The following ZMIZ1 variants were observed in gnomAD, a reference collection of about 807,000 sequenced individuals.
The protein encoded by ZMIZ1 is zinc finger MIZ-type containing 1, also known as zinc finger MIZ domain-containing protein 1.
A neutral mutation model predicts 113.9 loss-of-function variants in ZMIZ1; 17 were observed. That is an observed-to-expected ratio of 0.15 (90% CI 0.10 to 0.22). ZMIZ1 has a LOEUF of 0.22. ZMIZ1 is among the 10% of genes least tolerant of loss of function. The pLI is 1.00. For synonymous variants in ZMIZ1, 607 were observed against 603.1 expected, an observed-to-expected ratio of 1.01 and a Z score of -0.09; for missense variants, 1,059 against 1,477.8, an observed-to-expected ratio of 0.72 and a Z score of 4.65.
intron 7 of ZMIZ1, among the ~76,000 whole-genome samples, chr10:79,233,926 C>A (rs1326540970): frequency 6.6e-6 from 1 of 152,134 alleles, no homozygotes; most frequent in African/African-American, 2.4e-5. Context: ...TGAAGTTGGG[C>A]AAACCAGAGT....
chr10:79,165,368 C>T (rs935346255), intron 4 of ZMIZ1, among the ~76,000 whole-genome samples: 2 of 152,138 alleles, frequency 1.3e-5, no homozygotes, highest in African/African-American at 4.8e-5. Flanking sequence ...CCCAGAGACC[C>T]AGGATGACAG....
At chr10:79,110,339 G>A (rs988280917) in intron 1 of ZMIZ1, among the ~76,000 whole-genome samples, 2 of 152,156 alleles carry the variant, frequency 1.3e-5, no homozygotes, top group Non-Finnish European at 1.5e-5. Context: ...TTGCGATACC[G>A]GTGGCCACTC....
chr10:79,075,228 G>A (rs1018547609), intron 1 of ZMIZ1, among the ~76,000 whole-genome samples: 5 of 152,306 alleles, frequency 3.3e-5, no homozygotes, highest in Admixed American at 3.3e-4. Context: ...CAGACTGTCA[G>A]AGTGGACATA....
At chr10:79,197,677 G>A (rs1288521429) in intron 4 of ZMIZ1, among the ~76,000 whole-genome samples, 2 of 151,118 alleles carry the variant, frequency 1.3e-5, no homozygotes, top group African/African-American at 4.9e-5. Context: ...ACCTGTTCAA[G>A]AGTAAAAACT....
At chr10:79,221,419 C>T (rs537481214) in intron 7 of ZMIZ1, among the ~76,000 whole-genome samples, 11 of 152,326 alleles carry the variant, frequency 7.2e-5, no homozygotes, top group Admixed American at 2.6e-4. Flanking sequence ...AGCCTCAGAG[C>T]GCACGTGCGC....
At chr10:79,175,588 G>A (rs1846802865) in intron 4 of ZMIZ1, among the ~76,000 whole-genome samples, 1 of 50,890 alleles carries the variant, frequency 2.0e-5, no homozygotes, top group African/African-American at 1.3e-4. Context: ...CTCTGCGTGT[G>A]TGTGTGTGTG....
At chr10:79,077,471 G>C (rs984182539) in intron 1 of ZMIZ1, among the ~76,000 whole-genome samples, 2 of 152,026 alleles carry the variant, frequency 1.3e-5, no homozygotes, top group Non-Finnish European at 2.9e-5. Context: ...CACTAAGAGT[G>C]GGGGGTTCTG....
intron 8 of ZMIZ1, among the ~76,000 whole-genome samples, chr10:79,288,891 C>G (rs1337871536): frequency 6.6e-6 from 1 of 152,172 alleles, no homozygotes. Context: ...GGGGAGATGT[C>G]CACAAACGTG....
rs548665839 is a variant in ZMIZ1 at position 79,209,645 on chromosome 10, A to G, written c.174+1196A>G. On this transcript the variant is annotated intron_variant, in intron 6 of 24. Coordinates refer to ENST00000334512, the MANE Select transcript of ZMIZ1 (RefSeq NM_020338.4). ...AGGCCCACATGGCCTTGGCCTGGAGAGGAAGAAATAGCGGCAACACGGCTA... is the reference window on the plus strand; with the variant it reads ...AGGCCCACATGGCCTTGGCCTGGAGGGGAAGAAATAGCGGCAACACGGCTA... 6.6e-5 allele frequency among the ~76,000 whole-genome samples: 10 copies of G among 152,344 alleles called. No homozygotes were observed. In the South Asian group the frequency reaches 2.1e-3, roughly 32 times the overall value.
At position 79,308,329 on chromosome 10, in the gene ZMIZ1, G is replaced by A. The variant is rs555662801; in HGVS notation, c.2835+758G>A. Among the ~76,000 whole-genome samples, 8 of 152,360 alleles carry A rather than the reference G, an allele frequency of 5.3e-5. No homozygotes were observed. The East Asian group carries it at 9.7e-4, about 18-fold the overall frequency. On this transcript the variant is annotated intron_variant, in intron 23 of 24. Coordinates refer to ENST00000334512, the MANE Select transcript of ZMIZ1 (RefSeq NM_020338.4). ...AATGGAGTAAAACTCCTGGCAGTGC[G>A]TGGGTGCAGGAAGAACAGTTGGAGT...
At chr10:79,174,120 A>G (rs990302854) in intron 4 of ZMIZ1, among the ~76,000 whole-genome samples, 7 of 152,158 alleles carry the variant, frequency 4.6e-5, no homozygotes, top group African/African-American at 1.7e-4. Context: ...CATTCCTCAG[A>G]TCCCACTGGG....
chr10:79,189,129 C>G (rs1847485839), intron 4 of ZMIZ1, among the ~76,000 whole-genome samples: 1 of 152,202 alleles, frequency 6.6e-6, no homozygotes, highest in Admixed American at 6.5e-5. Flanking sequence ...AGCTCCTTCC[C>G]TAATCCATCC....
At chr10:79,082,209 G>T (rs931412838) in intron 1 of ZMIZ1, among the ~76,000 whole-genome samples, 1 of 152,244 alleles carries the variant, frequency 6.6e-6, no homozygotes, top group Non-Finnish European at 1.5e-5. Context: ...ACTCGTCCTG[G>T]GGGCAGGCAC....
rs145087944 is a variant in ZMIZ1 at position 79,296,972 on chromosome 10, A to C, written c.1413+319A>C. 615 of 247,866 alleles carry C rather than the reference A, an allele frequency of 2.5e-3. 7 individuals carry two copies. The highest frequency in any genetic ancestry group is 0.013 in the African/African-American group (573 of 44,734). 15.4% of individuals were successfully genotyped at this position (247,866 alleles called of 1,614,324 possible). On this transcript the variant is annotated intron_variant, in intron 13 of 24. Coordinates refer to ENST00000334512, the MANE Select transcript of ZMIZ1 (RefSeq NM_020338.4). The surrounding 1 kb of genome is among the most constrained non-coding windows in gnomAD (Gnocchi z 4.1). ...CATCCCCTGTATATATTAACATTTCATTCTAAACTTTGTATGTGCAGGTGG... is the reference window on the plus strand; with the variant it reads ...CATCCCCTGTATATATTAACATTTCCTTCTAAACTTTGTATGTGCAGGTGG...
chr10:79,186,207 C>G (rs703976), intron 4 of ZMIZ1, among the ~76,000 whole-genome samples: 64,358 of 152,120 alleles, frequency 0.42, 13,870 homozygotes, highest in Non-Finnish European at 0.46. Flanking sequence ...CTGTCCAAGC[C>G]CTCCCCTGGT....
chr10:79,148,020 T>C (rs1845563772), intron 3 of ZMIZ1, among the ~76,000 whole-genome samples: 1 of 152,228 alleles, frequency 6.6e-6, no homozygotes, highest in African/African-American at 2.4e-5. Context: ...CTTGCATAGA[T>C]GACACCATCT....
At chr10:79,306,942 G>A (rs562361689) in intron 22 of ZMIZ1, among the ~76,000 whole-genome samples, 72 of 152,368 alleles carry the variant, frequency 4.7e-4, no homozygotes, top group Non-Finnish European at 9.0e-4. Context: ...GCCACATGGT[G>A]GAGGGCACAG....
At chr10:79,246,363 G>A (rs1001738864) in intron 7 of ZMIZ1, among the ~76,000 whole-genome samples, 6 of 152,216 alleles carry the variant, frequency 3.9e-5, no homozygotes, top group Non-Finnish European at 5.9e-5. Context: ...GCTCAGCCTC[G>A]GGTCCTCAGG....
At chr10:79,196,811 G>C (rs774582997) in intron 4 of ZMIZ1, among the ~76,000 whole-genome samples, 7 of 152,236 alleles carry the variant, frequency 4.6e-5, no homozygotes, top group Non-Finnish European at 8.8e-5. Flanking sequence ...AGTTCCTCTT[G>C]AGAGGTAGAC....
Sources: gnomAD v4.1 joint callset for allele counts (sites outside exome capture counted in the v4.1 genomes callset) on GRCh38, gnomAD v4.1.1 for gene constraint, Gnocchi (gnomAD v3.1) non-coding constraint, MANE v1.5 for transcripts, NCBI Gene and HGNC (gene_info 2026-07-23, HGNC 2026-07-21) for gene names.